Variants in WDR64 observed in about 807,000 individuals in gnomAD.
The protein encoded by WDR64 is WD repeat-containing protein 64.
In WDR64, 112 loss-of-function variants were observed where a neutral mutation model predicts 139.3. The ratio of observed to expected loss-of-function variants is 0.80; its 90% CI spans 0.69 to 0.94. The LOEUF is 0.94. Ranked by LOEUF, WDR64 falls within the 40% of genes least tolerant of loss-of-function variation. WDR64 has a pLI of 0.00. For missense variants in WDR64, 1,206 were observed against 1,293.1 expected, an observed-to-expected ratio of 0.93 and a Z score of 1.03; for synonymous variants, 444 against 437.7, an observed-to-expected ratio of 1.01 and a Z score of -0.18.
chr1:241,671,170 A>G lies in WDR64; in HGVS notation c.373A>G (p.Ile125Val), dbSNP rs970958056. 1.3e-6 allele frequency: 2 copies of G among 1,543,428 alleles called. No individual in the cohort carries two copies. The highest frequency in any genetic ancestry group is 2.4e-5 in the East Asian group (1 of 40,876). Residue 125 changes from isoleucine to valine, a missense_variant, in exon 3 of 28, where the codon ATT (isoleucine) becomes GTT (valine). Physicochemically the swap from Ile to Val is conservative, Grantham distance 29. Coordinates refer to ENST00000437684, the MANE Select transcript of WDR64 (RefSeq NM_001367482.1). ...FFVSRKRRIL[I>V]SGSRRRDVIK... Reference sequence around the variant, plus strand: ...TGTGTCTAGAAAAAGGCGAATTTTAATTTCAGGTGACATTTTAATTTTCTC... The same window carrying G: ...TGTGTCTAGAAAAAGGCGAATTTTAGTTTCAGGTGACATTTTAATTTTCTC...
intron 8 of WDR64, among the ~76,000 whole-genome samples, chr1:241,711,388 G>A (rs1668161901): frequency 6.6e-6 from 1 of 152,166 alleles, no homozygotes; most frequent in Non-Finnish European, 1.5e-5. Context: ...AAATTAACAG[G>A]ACTTGACAGC....
chr1:241,711,565 G>A lies in WDR64; in HGVS notation c.975-237G>A, dbSNP rs375568429. Among the ~76,000 whole-genome samples the A allele has an allele frequency of 3.3e-5, 5 of 152,132 alleles. No homozygotes were observed. In the East Asian group the frequency reaches 5.8e-4, roughly 18 times the overall value. ...CAAAACCACAAACCCAGCATGGAGG[G>A]CTGGATTTTCTTTTAAACAGGAACA... On this transcript the variant is annotated intron_variant, in intron 8 of 27. Transcript: ENST00000437684.
intron 10 of WDR64, among the ~76,000 whole-genome samples, chr1:241,731,459 G>T (rs1669076066): frequency 6.7e-6 from 1 of 148,516 alleles, no homozygotes; most frequent in African/African-American, 2.5e-5. Flanking sequence ...GATAGGTTGA[G>T]ATAGGTACTG....
At chr1:241,687,404 C>T (rs1667047411) in intron 7 of WDR64, 57 bp from the exon 8 acceptor site, 3 of 1,574,818 alleles carry the variant, frequency 1.9e-6, no homozygotes, top group Non-Finnish European at 2.6e-6. Flanking sequence ...TGAATAGAAA[C>T]ATATTATACG....
intron 8 of WDR64, among the ~76,000 whole-genome samples, chr1:241,692,600 C>T (rs1667343833): frequency 6.6e-6 from 1 of 152,192 alleles, no homozygotes; most frequent in South Asian, 2.1e-4. Context: ...TTGAAACCTT[C>T]TGCTCTGCAA....
chr1:241,787,360 C>CAA (rs377529642), intron 23 of WDR64, among the ~76,000 whole-genome samples: 36,136 of 83,388 alleles, frequency 0.43, 6,682 homozygotes, highest in East Asian at 0.48. Flanking sequence ...CGAGACTCCT[C>CAA]AAAAAAAAAA....
At chr1:241,754,320 CTTTTT>C (rs71174845) in intron 14 of WDR64, among the ~76,000 whole-genome samples, 3 of 81,852 alleles carry the variant, frequency 3.7e-5, no homozygotes, top group East Asian at 4.0e-4. Flanking sequence ...TTTTCTTTTT[CTTTTT>C]TTTTTTTTTT....
chr1:241,654,585 C>T (rs979398837), intron 1 of WDR64, among the ~76,000 whole-genome samples: 2 of 152,106 alleles, frequency 1.3e-5, no homozygotes, highest in African/African-American at 4.8e-5. Flanking sequence ...TTCTTTTTCT[C>T]CTTGAGCTTT....
chr1:241,762,665 G>A (rs910288869), intron 15 of WDR64, among the ~76,000 whole-genome samples: 1 of 151,910 alleles, frequency 6.6e-6, no homozygotes, highest in South Asian at 2.1e-4. Context: ...GCAAGTTACA[G>A]CAGGAGCAAT....
At chr1:241,728,630 C>T (rs1382001020) in intron 10 of WDR64, among the ~76,000 whole-genome samples, 2 of 152,278 alleles carry the variant, frequency 1.3e-5, no homozygotes, top group South Asian at 2.1e-4. Context: ...AATTGTATGT[C>T]TAGTCACAGA....
At chr1:241,742,489 C>A (rs913615340) in intron 12 of WDR64, among the ~76,000 whole-genome samples, 8 of 152,140 alleles carry the variant, frequency 5.3e-5, no homozygotes, top group Admixed American at 4.6e-4. Context: ...CGAGAGTGAC[C>A]TCTGGTCATC....
intron 10 of WDR64, among the ~76,000 whole-genome samples, chr1:241,734,973 T>C (rs1247774270): frequency 6.6e-5 from 10 of 152,202 alleles, no homozygotes; most frequent in Non-Finnish European, 1.3e-4. Context: ...CACATGTCTA[T>C]ATCATGGGCA....
chr1:241,759,697 C>CT (rs549593689), intron 15 of WDR64, among the ~76,000 whole-genome samples: 54 of 151,386 alleles, frequency 3.6e-4, no homozygotes, highest in East Asian at 1.2e-3. Context: ...CTTCACCTTT[C>CT]TTTTTTTTTA....
chr1:241,762,788 T>C (rs942383687), intron 15 of WDR64, among the ~76,000 whole-genome samples: 3 of 145,022 alleles, frequency 2.1e-5, no homozygotes, highest in East Asian at 2.0e-4. Flanking sequence ...AAAAAAAAAA[T>C]AGAATAATAA....
At chr1:241,683,406 A>T in intron 6 of WDR64, 81 bp from the exon 7 acceptor site, 1 of 1,393,914 alleles carries the variant, frequency 7.2e-7, no homozygotes. Flanking sequence ...GCGGAAAGTG[A>T]AATTTTTGTC....
chr1:241,711,780 C>CA lies in WDR64; in HGVS notation c.975-22_975-21insA. Reference sequence around the variant, plus strand: ...TGATAAAGAAAAATATATATGTTTTCCATCTAATTTGTGTTTTCCAGGCCT... The same window carrying CA: ...TGATAAAGAAAAATATATATGTTTTCACATCTAATTTGTGTTTTCCAGGCCT... On this transcript the variant is annotated intron_variant, in intron 8 of 27. Coordinates refer to ENST00000437684, the MANE Select transcript of WDR64 (RefSeq NM_001367482.1). 3 of 1,609,752 alleles carry CA rather than the reference C, an allele frequency of 1.9e-6. No homozygotes were observed. The South Asian group carries it at 3.3e-5, about 18-fold the overall frequency.
chr1:241,693,968 T>C (rs1439899188), intron 8 of WDR64, among the ~76,000 whole-genome samples: 1 of 152,176 alleles, frequency 6.6e-6, no homozygotes, highest in Non-Finnish European at 1.5e-5. Context: ...TTGTTAGCTA[T>C]AGAACTTGGT....
rs1193119125 is a variant in WDR64, at chr1:241,802,570, G to A, written c.*1355G>A. ...GAATTTTTTCAAAAAATTAAGAATT[G>A]TAAACTAATATTCTCATTGATATGC... On this transcript the variant is annotated 3_prime_UTR_variant, in exon 28 of 28. Transcript: ENST00000437684. 2.0e-5 allele frequency among the ~76,000 whole-genome samples: 3 copies of A among 152,160 alleles called. No individual in the cohort carries two copies. The highest frequency in any genetic ancestry group is 4.4e-5 in the Non-Finnish European group (3 of 68,018).
intron 15 of WDR64, among the ~76,000 whole-genome samples, chr1:241,764,061 A>C (rs1040126298): frequency 6.6e-6 from 1 of 152,192 alleles, no homozygotes; most frequent in Non-Finnish European, 1.5e-5. Flanking sequence ...TGGAGGTAAA[A>C]TATTGCATGG....
Sources: allele counts gnomAD v4.1 joint callset (sites outside exome capture counted in the v4.1 genomes callset), GRCh38; gene constraint gnomAD v4.1.1; transcripts MANE v1.5; gene names NCBI Gene and HGNC (gene_info 2026-07-23, HGNC 2026-07-21).